C2orf92: variants seen among roughly 807,000 people sequenced by gnomAD.
The protein encoded by C2orf92 is uncharacterized protein C2orf92.
At chr2:97,684,189 C>T (rs574623986) in intron 3 of C2orf92, among the ~76,000 whole-genome samples, 2 of 152,238 alleles carry the variant, frequency 1.3e-5, no homozygotes, top group East Asian at 3.9e-4. Flanking sequence ...GCGCCCGCCA[C>T]CACGCCTGGC....
At chr2:97,676,765 G>A (rs1225257001) in intron 3 of C2orf92, among the ~76,000 whole-genome samples, 1 of 148,398 alleles carries the variant, frequency 6.7e-6, no homozygotes. Context: ...GAGCTGTACT[G>A]TCTATTAAAA....
upstream of C2orf92, chr2:97,665,723 CTCTCTCTCTCTCTCTATATATATATA>C (rs1181002196): frequency 0.022 from 1,356 of 61,600 alleles, 13 homozygotes; most frequent in Non-Finnish European, 0.031. Flanking sequence ...CTCTCTCTCT[CTCTCTCTCTCTCTCTATATATATATA>C]TATATATATA....
intron 5 of C2orf92, among the ~76,000 whole-genome samples, chr2:97,696,633 G>T (rs1281283413): frequency 1.3e-5 from 2 of 152,164 alleles, no homozygotes; most frequent in Non-Finnish European, 2.9e-5. Context: ...CTACTTGGGA[G>T]GCTGAGGCAG....
chr2:97,679,176 A>AT (rs1253324168), intron 3 of C2orf92, among the ~76,000 whole-genome samples: 2 of 150,052 alleles, frequency 1.3e-5, no homozygotes, highest in African/African-American at 2.5e-5. Flanking sequence ...TGACATAAGA[A>AT]AAAAAAAAAT....
chr2:97,698,888 C>T (rs1676401825), intron 5 of C2orf92, 138 bp from the exon 6 acceptor site: 1 of 393,960 alleles, frequency 2.5e-6, no homozygotes, highest in East Asian at 3.6e-5. Flanking sequence ...CACTGAGGTT[C>T]TGTAGGACAT....
intron 5 of C2orf92, among the ~76,000 whole-genome samples, chr2:97,692,092 C>T (rs1424669567): frequency 6.6e-6 from 1 of 152,158 alleles, no homozygotes; most frequent in Non-Finnish European, 1.5e-5. Context: ...CAAATTTATA[C>T]TACAATATTC....
rs996780773 is a variant in C2orf92 at position 97,701,234 on chromosome 2, G to A, written c.595G>A (p.Val199Met). Residue 199 changes from valine (V) to methionine (M), a missense_variant, in exon 7 of 8, where the codon GTG becomes ATG. Physicochemically the swap from Val to Met is conservative, Grantham distance 21 (BLOSUM62 1). Transcript: ENST00000627399. Reference protein sequence around the residue: ...RNTIIAAVSGVAILMAIVLLL... With the variant: ...RNTIIAAVSGMAILMAIVLLL... ...CACCATCATCGCCGCCGTCTCAGGG[G>A]TGGCCATCCTCATGGCCATCGTGCT... is the stretch of plus-strand genomic sequence containing the variant. 7.5e-6 allele frequency: 3 copies of A among 399,004 alleles called. No individual in the cohort carries two copies. Among genetic ancestry groups the A allele is most frequent in the African/African-American group, 4.1e-5 (2 of 48,630 alleles). 24.7% of individuals were successfully genotyped at this position (399,004 alleles called of 1,614,324 possible). A position where few individuals can be genotyped will look rare whatever the true frequency, so the allele number is the denominator to read the frequency against.
chr2:97,678,649 A>G (rs1435869772), intron 3 of C2orf92, among the ~76,000 whole-genome samples: 1 of 152,044 alleles, frequency 6.6e-6, no homozygotes, highest in African/African-American at 2.4e-5. Flanking sequence ...AGGCAGTAGG[A>G]TGGCACATTC....
At chr2:97,671,892 T>A (rs1476551127) in intron 1 of C2orf92, 1 of 165,042 alleles carries the variant, frequency 6.1e-6, no homozygotes, top group East Asian at 1.6e-4. Context: ...AATTGAGACA[T>A]TCCACACACA....
At chr2:97,680,948 A>C (rs1208390821) in intron 3 of C2orf92, among the ~76,000 whole-genome samples, 1 of 150,626 alleles carries the variant, frequency 6.6e-6, no homozygotes, top group Non-Finnish European at 1.5e-5. Context: ...AAACCAAAAA[A>C]CCCCAAAAAT....
chr2:97,677,444 C>G (rs1675620574), intron 3 of C2orf92: 2 of 152,156 alleles, frequency 1.3e-5, no homozygotes, highest in Non-Finnish European at 2.9e-5. Context: ...TTTATCAGGT[C>G]ATTGACTAAC....
rs533644654 is a variant in C2orf92 at position 97,700,799 on chromosome 2, C to T, written c.515-355C>T. ...AGTGCAGTGGTGCGATCTCAGCTCA[C>T]GCTCACGGCAACCTCCGCCTCCCGG... On this transcript the variant is annotated intron_variant, in intron 6 of 7. Coordinates refer to ENST00000627399, the MANE Select transcript of C2orf92 (RefSeq NM_001351368.2). 5.9e-5 allele frequency among the ~76,000 whole-genome samples: 9 copies of T among 151,696 alleles called. No individual in the cohort carries two copies. In the South Asian group the frequency reaches 1.7e-3, roughly 28 times the overall value.
rs1163344189 is a variant in C2orf92, at chr2:97,685,872, A to AT, written c.233-3016dup. ...GCCACCGTGCCCAGCCAGAATGGCT[A>AT]TTTTTTTAAAAAGAAAAATAACAGA... is the stretch of plus-strand genomic sequence containing the variant. On this transcript the variant is annotated intron_variant, in intron 3 of 7. Coordinates refer to ENST00000627399, the MANE Select transcript of C2orf92 (RefSeq NM_001351368.2). 5.9e-5 allele frequency among the ~76,000 whole-genome samples: 9 copies of AT among 152,194 alleles called. No homozygotes were observed. In the East Asian group the frequency reaches 7.7e-4, roughly 13 times the overall value.
chr2:97,665,735 CTCTATATATATATATATATATATA>C (rs1675205317), upstream of C2orf92: 1 of 17,282 alleles, frequency 5.8e-5, no homozygotes. Flanking sequence ...CTCTCTCTCT[CTCTATATATATATATATATATATA>C]TATATATATA....
chr2:97,676,455 A>G (rs1277912548), intron 3 of C2orf92, among the ~76,000 whole-genome samples: 3 of 148,190 alleles, frequency 2.0e-5, no homozygotes, highest in Non-Finnish European at 3.0e-5. Flanking sequence ...AAAAGAAAAA[A>G]AAAAAAAAAA....
upstream of C2orf92, chr2:97,669,451 A>G (rs995047134): frequency 5.1e-6 from 1 of 197,504 alleles, no homozygotes; most frequent in African/African-American, 2.3e-5. Flanking sequence ...GCTACTTCCA[A>G]TTCGCTTCAG....
intron 2 of C2orf92, chr2:97,675,618 T>C: frequency 2.6e-6 from 1 of 384,958 alleles, no homozygotes; most frequent in Non-Finnish European, 4.6e-6. Flanking sequence ...TTATGCATAT[T>C]GTCTGTCAAC....
chr2:97,676,433 CAAAAAAAAAAAAAAAG>C (rs1159689888), intron 3 of C2orf92, among the ~76,000 whole-genome samples: 1,024 of 31,044 alleles, frequency 0.033, 12 homozygotes, highest in Non-Finnish European at 0.04. Flanking sequence ...GACTCCATCT[CAAAAAAAAAAAAAAAG>C]AAAAAAAAAA....
intron 3 of C2orf92, among the ~76,000 whole-genome samples, chr2:97,678,067 G>A (rs1573206904): frequency 6.6e-6 from 1 of 152,028 alleles, no homozygotes; most frequent in African/African-American, 2.4e-5. Flanking sequence ...GGGCGTGGTG[G>A]TGGGTGCCTG....
Sources: allele counts gnomAD v4.1 joint callset (sites outside exome capture counted in the v4.1 genomes callset), GRCh38; gene constraint gnomAD v4.1.1; transcripts MANE v1.5; gene names NCBI Gene and HGNC (gene_info 2026-07-23, HGNC 2026-07-21).